The following EGFR variants were observed in gnomAD, a reference collection of about 807,000 sequenced individuals.
EGFR encodes avian erythroblastic leukemia viral (v-erb-b) oncogene homolog.
EGFR carries 58 observed loss-of-function variants against 143.0 expected under a neutral mutation model. The ratio of observed to expected loss-of-function variants is 0.41; its 90% confidence interval spans 0.33 to 0.50. The LOEUF is 0.50. Among genes scored for constraint, EGFR ranks in the 20% least tolerant of loss-of-function variants. The probability of loss-of-function intolerance (pLI) is 0.39; values close to 1 mark genes in which losing one functional copy is unlikely to be tolerated. For missense variants in EGFR, 1,307 were observed against 1,579.0 expected (o/e 0.83, Z 2.92); for synonymous variants, 613 against 594.4 (o/e 1.03, Z -0.45).
chr7:55,194,211 A>G (rs959693075), intron 22 of EGFR, among the ~76,000 whole-genome samples: 2 of 144,666 alleles, frequency 1.4e-5, no homozygotes, highest in Admixed American at 1.4e-4. Context: ...GACAGAGGCC[A>G]CATATATTTT....
intron 22 of EGFR, among the ~76,000 whole-genome samples, chr7:55,197,826 T>A (rs530518607): frequency 2.0e-5 from 3 of 152,338 alleles, no homozygotes; most frequent in Admixed American, 6.5e-5. Flanking sequence ...GTTGAACCAA[T>A]CTTGCATCCC....
chr7:55,069,703 G>T (rs977648651), intron 1 of EGFR, among the ~76,000 whole-genome samples: 1 of 152,216 alleles, frequency 6.6e-6, no homozygotes, highest in South Asian at 2.1e-4. Context: ...GTGTCAGCAG[G>T]CATTTAAATA....
At chr7:55,092,363 G>A (rs1791179204) in intron 1 of EGFR, among the ~76,000 whole-genome samples, 1 of 152,160 alleles carries the variant, frequency 6.6e-6, no homozygotes, top group Admixed American at 6.5e-5. Context: ...AATTACTTTG[G>A]CAAGATTTGC....
chr7:55,158,819 C>T (rs191558405), intron 11 of EGFR, among the ~76,000 whole-genome samples: 150 of 152,294 alleles, frequency 9.8e-4, no homozygotes, highest in African/African-American at 3.5e-3. Context: ...CCTCCCTGGG[C>T]ATATGTGGGG....
At chr7:55,077,768 G>GA (rs749952444) in intron 1 of EGFR, among the ~76,000 whole-genome samples, 6 of 152,090 alleles carry the variant, frequency 3.9e-5, no homozygotes, top group African/African-American at 7.2e-5. Context: ...GGTGCTTGGG[G>GA]AAAAAATGGG....
chr7:55,054,507 C>T (rs947794833), intron 1 of EGFR, among the ~76,000 whole-genome samples: 35 of 152,214 alleles, frequency 2.3e-4, no homozygotes, highest in African/African-American at 7.2e-4. Flanking sequence ...TTTTTCCTGG[C>T]GCGCCCGCGG....
Position 55,155,930 on chromosome 7 carries a change from AGG to A in EGFR, c.992_993del (p.Gly331AlafsTer7). On this transcript the variant is annotated frameshift_variant, in exon 8 of 28. Coordinates refer to ENST00000275493, the MANE Select transcript of EGFR (RefSeq NM_005228.5). LOFTEE classifies it high-confidence loss of function. Reference sequence around the variant, plus strand: ...GCGTCCGCAAGTGTAAGAAGTGCGAAGGGCCTTGCCGCAAAGGTAGGAAGCCC... The same window carrying A: ...GCGTCCGCAAGTGTAAGAAGTGCGAAGCCTTGCCGCAAAGGTAGGAAGCCC... ...DGVRKCKKCEGPCRKVCNGIG... is the reference protein window; with the variant it reads ...DGVRKCKKCEXPCRKVCNGIG... 1 of 1,613,800 alleles carries A rather than the reference AGG, an allele frequency of 6.2e-7. No individual in the cohort carries two copies. The highest frequency in any genetic ancestry group is 8.5e-7 in the Non-Finnish European group (1 of 1,179,884).
chr7:55,190,128 C>T (rs201723038), intron 20 of EGFR, among the ~76,000 whole-genome samples: 13 of 152,084 alleles, frequency 8.5e-5, no homozygotes, highest in African/African-American at 3.1e-4. Context: ...GCTTCTGCCC[C>T]CCCTCTCCTC....
intron 1 of EGFR, among the ~76,000 whole-genome samples, chr7:55,068,920 A>T (rs973372364): frequency 7.2e-5 from 11 of 152,180 alleles, no homozygotes; most frequent in African/African-American, 2.7e-4. Context: ...TGGAGGGCAC[A>T]GGGAAAAGGC....
chr7:55,019,391 G>C (rs761128149), intron 1 of EGFR, 26 bp downstream of exon 1: 3 of 1,379,036 alleles, frequency 2.2e-6, no homozygotes, highest in Non-Finnish European at 2.9e-6. Context: ...GCCGGCTCCC[G>C]CGCCGCCCCC....
At chr7:55,163,139 G>A (rs1785790047) in intron 13 of EGFR, among the ~76,000 whole-genome samples, 1 of 152,222 alleles carries the variant, frequency 6.6e-6, no homozygotes, top group Non-Finnish European at 1.5e-5. Context: ...CTGCTGGAGG[G>A]TAGAACTATG....
chr7:55,191,145 G>A (rs1484499207), intron 20 of EGFR, among the ~76,000 whole-genome samples: 1 of 152,106 alleles, frequency 6.6e-6, no homozygotes, highest in African/African-American at 2.4e-5. Flanking sequence ...CCAGGGAGGT[G>A]GGGAGGGTGG....
At chr7:55,187,097 G>T (rs1348841784) in intron 20 of EGFR, among the ~76,000 whole-genome samples, 1 of 152,226 alleles carries the variant, frequency 6.6e-6, no homozygotes, top group Non-Finnish European at 1.5e-5. Context: ...GGGAGATGCT[G>T]AGGACAGGGA....
intron 22 of EGFR, 87 bp downstream of exon 22, chr7:55,192,928 T>G: frequency 2.6e-6 from 3 of 1,152,384 alleles, no homozygotes; most frequent in Non-Finnish European, 3.9e-6. Flanking sequence ...TCCTCTGACA[T>G]GCAAGTATTT....
At chr7:55,179,813 TAACA>T (rs1786776748) in intron 19 of EGFR, 1 of 152,232 alleles carries the variant, frequency 6.6e-6, no homozygotes. Flanking sequence ...CAATACAGCA[TAACA>T]ATTATTCACA....
chr7:55,091,832 C>A (rs899180860), intron 1 of EGFR, among the ~76,000 whole-genome samples: 1 of 144,694 alleles, frequency 6.9e-6, no homozygotes. Flanking sequence ...CTTATCCAAA[C>A]CCTGACCCAC....
At chr7:55,082,238 T>C (rs117113975) in intron 1 of EGFR, among the ~76,000 whole-genome samples, 4,329 of 152,302 alleles carry the variant, frequency 0.028, 99 homozygotes, top group Non-Finnish European at 0.044. Context: ...CTTGGGTCAT[T>C]CCTGATACCT....
At chr7:55,173,774 C>T (rs1786464897) in intron 17 of EGFR, 147 bp from the exon 18 acceptor site, 3 of 1,250,900 alleles carry the variant, frequency 2.4e-6, no homozygotes, top group Non-Finnish European at 3.5e-6. Flanking sequence ...GTACATTTGT[C>T]CTTCCAAATG....
At chr7:55,140,754 T>A (rs1164802447) in intron 1 of EGFR, among the ~76,000 whole-genome samples, 1 of 152,192 alleles carries the variant, frequency 6.6e-6, no homozygotes, top group Non-Finnish European at 1.5e-5. Flanking sequence ...AGGGACTCCA[T>A]CTTGTCAACT....
Sources: gnomAD v4.1 joint callset for allele counts (sites outside exome capture counted in the v4.1 genomes callset) on GRCh38, gnomAD v4.1.1 for gene constraint, MANE v1.5 for transcripts, NCBI Gene and HGNC (gene_info 2026-07-23, HGNC 2026-07-21) for gene names.